Variants in ZNF226 observed in about 807,000 individuals in gnomAD.
ZNF226 encodes the protein Kruppel-associated box protein.
Under a neutral mutation model 11.4 loss-of-function variants are expected in ZNF226, and 6 were observed. That is an observed-to-expected ratio of 0.53 (90% confidence interval 0.29 to 1.04). The LOEUF (loss-of-function observed/expected upper bound fraction) is 1.04, where lower values mean the gene tolerates loss of function less well. Among genes scored for constraint, ZNF226 ranks in the 50% least tolerant of loss-of-function variants. The pLI is 0.08. For missense variants in ZNF226, 1,058 were observed against 956.5 expected (o/e 1.11, Z -1.40); for synonymous variants, 350 against 322.8 (o/e 1.08, Z -0.90).
chr19:44,177,077 CTG>C lies in ZNF226; in HGVS notation c.1817_1818del (p.Cys606Ter). On this transcript the variant is annotated frameshift_variant, in exon 6 of 6. Coordinates refer to ENST00000337433, the MANE Select transcript of ZNF226 (RefSeq NM_001032373.2). LOFTEE classifies it low-confidence loss of function (END_TRUNC). ...FSRRADLKIH[C>X]RIHTGEKPYN... ...GTCGTAGAGCAGATCTTAAAATTCA[CTG>C]TAGGATCCACACAGGAGAGAAACCA... is the stretch of plus-strand genomic sequence containing the variant. 1 of 1,611,998 alleles carries C rather than the reference CTG, an allele frequency of 6.2e-7. No individual in the cohort carries two copies. Among genetic ancestry groups the C allele is most frequent in the Non-Finnish European group, 8.5e-7 (1 of 1,179,386 alleles).
At chr19:44,192,469 CA>C in the ZNF226 span, among the ~76,000 whole-genome samples, 1,282 of 152,032 alleles carry the variant, frequency 8.4e-3, 10 homozygotes, top group African/African-American at 0.029. Context: ...AAAAAGCTTC[CA>C]AAAACAAATG....
At chr19:44,175,317 CTTGGTT>C in intron 5 of ZNF226, 175 bp from the exon 6 acceptor site, 1 of 1,406,062 alleles carries the variant, frequency 7.1e-7, no homozygotes, top group South Asian at 1.7e-5. Context: ...TGGACCATCT[CTTGGTT>C]TTGGACCATC....
intron 2 of ZNF226, among the ~76,000 whole-genome samples, chr19:44,168,627 A>G (rs1215238505): frequency 2.0e-5 from 3 of 152,104 alleles, no homozygotes; most frequent in African/African-American, 7.2e-5. Context: ...ATATTTATTC[A>G]TGATTAAATT....
At chr19:44,179,774 G>A (rs1970878482), downstream of ZNF226, among the ~76,000 whole-genome samples, 1 of 151,840 alleles carries the variant, frequency 6.6e-6, no homozygotes, top group Non-Finnish European at 1.5e-5. Flanking sequence ...TCGAGCTGTG[G>A]AAAAAAGGAA....
chr19:44,175,000 A>G, intron 5 of ZNF226: 1 of 1,611,076 alleles, frequency 6.2e-7, no homozygotes. Context: ...TACTTGTAAA[A>G]GCTCTTTTGC....
chr19:44,179,782 G>C (rs1348498985), downstream of ZNF226, among the ~76,000 whole-genome samples: 2 of 151,964 alleles, frequency 1.3e-5, no homozygotes, highest in Non-Finnish European at 2.9e-5. Context: ...TGGAAAAAAG[G>C]AATAATAAAA....
At chr19:44,174,106 C>A (rs1262515822) in intron 5 of ZNF226, 1 of 151,816 alleles carries the variant, frequency 6.6e-6, no homozygotes, top group African/African-American at 2.4e-5. Flanking sequence ...TTTTTGTCTT[C>A]TAATGAATTC....
At chr19:44,171,080 T>C (rs1040678838) in intron 3 of ZNF226, among the ~76,000 whole-genome samples, 1 of 152,236 alleles carries the variant, frequency 6.6e-6, no homozygotes, top group Non-Finnish European at 1.5e-5. Flanking sequence ...TGTATCCAGT[T>C]TTTAAACTAT....
chr19:44,177,853 G>A, downstream of ZNF226: 1 of 706,108 alleles, frequency 1.4e-6, no homozygotes, highest in Non-Finnish European at 2.1e-6. Context: ...ACTTAGAAGA[G>A]GGGTGTTAAG....
Position 44,176,387 on chromosome 19 carries a change from C to T in ZNF226, c.1125C>T (p.Ala375=). Residue 375 remains alanine (A), a synonymous_variant, in exon 6 of 6, where the codon GCC becomes GCT. Transcript: ENST00000337433. ...CEECGRAFSQ[A]SHLQDHQRLH... ...AGTGTGGGAGGGCCTTCAGTCAGGC[C>T]TCTCATCTTCAGGACCATCAGAGAC... is the stretch of plus-strand genomic sequence containing the variant. 2 of 1,614,020 alleles carry T rather than the reference C, an allele frequency of 1.2e-6. No individual in the cohort carries two copies. Among genetic ancestry groups the T allele is most frequent in the Non-Finnish European group, 1.7e-6 (2 of 1,179,960 alleles).
Position 44,175,971 on chromosome 19 carries a change from T to C in ZNF226, c.709T>C (p.Leu237=), listed in dbSNP as rs1463095468. 2.5e-6 allele frequency: 4 copies of C among 1,613,902 alleles called. No homozygotes were observed. The South Asian group carries it at 3.3e-5, about 13-fold the overall frequency. Residue 237 remains leucine, a synonymous_variant, in exon 6 of 6, where the codon TTG becomes CTG. Transcript: ENST00000337433. ...TTATGAAAAAGACAACATGAAGATT[T>C]TGACATTTGATCACAATAGCATGAT... The part of the protein sequence containing the change: ...NDYEKDNMKI[L]TFDHNSMIHT...
chr19:44,198,402 G>A, the ZNF226 span, among the ~76,000 whole-genome samples: 1 of 152,118 alleles, frequency 6.6e-6, no homozygotes, highest in African/African-American at 2.4e-5. Context: ...TTACAACATT[G>A]AATTGTCCAG....
chr19:44,168,997 C>CTT (rs1969742567), intron 2 of ZNF226, among the ~76,000 whole-genome samples: 2 of 125,316 alleles, frequency 1.6e-5, no homozygotes, highest in Non-Finnish European at 3.2e-5. Flanking sequence ...CCTCCCTTTT[C>CTT]CTTTTTTTTT....
the ZNF226 span, among the ~76,000 whole-genome samples, chr19:44,193,971 G>A: frequency 6.6e-6 from 1 of 152,212 alleles, no homozygotes; most frequent in Non-Finnish European, 1.5e-5. Flanking sequence ...AATCTCTCAA[G>A]AGCAAAGAAA....
the ZNF226 span, among the ~76,000 whole-genome samples, chr19:44,197,533 C>T: frequency 3.9e-5 from 6 of 151,968 alleles, no homozygotes; most frequent in East Asian, 1.9e-4. Flanking sequence ...CAGTTATACA[C>T]GAGTAATTTT....
the ZNF226 span, among the ~76,000 whole-genome samples, chr19:44,195,922 C>T: frequency 6.6e-6 from 1 of 152,194 alleles, no homozygotes; most frequent in African/African-American, 2.4e-5. Flanking sequence ...AATGTTCTAG[C>T]ATCACCTAAA....
chr19:44,190,602 T>A, the ZNF226 span, among the ~76,000 whole-genome samples: 1 of 152,178 alleles, frequency 6.6e-6, no homozygotes, highest in Admixed American at 6.5e-5. Flanking sequence ...CCCAAAGTGC[T>A]GGGATTACAG....
At chr19:44,170,408 C>T (rs1239554125) in intron 3 of ZNF226, among the ~76,000 whole-genome samples, 1 of 151,942 alleles carries the variant, frequency 6.6e-6, no homozygotes, top group African/African-American at 2.4e-5. Context: ...TGAGACCAGC[C>T]TGGCCAACAT....
chr19:44,184,104 G>A, the ZNF226 span, among the ~76,000 whole-genome samples: 1 of 152,214 alleles, frequency 6.6e-6, no homozygotes, highest in Non-Finnish European at 1.5e-5. Flanking sequence ...CAGAGATCAT[G>A]TGATCTGCAA....
Sources: allele counts gnomAD v4.1 joint callset (sites outside exome capture counted in the v4.1 genomes callset), GRCh38; gene constraint gnomAD v4.1.1; transcripts MANE v1.5; gene names NCBI Gene and HGNC (gene_info 2026-07-23, HGNC 2026-07-21).